The following DGKI variants were observed in gnomAD, a reference collection of about 807,000 sequenced individuals.
DGKI encodes diacylglycerol kinase iota, also known as DAG kinase iota.
A neutral mutation model predicts 147.5 loss-of-function variants in DGKI; 55 were observed. That is an observed-to-expected ratio of 0.37 (90% confidence interval 0.30 to 0.47). The LOEUF is 0.47. Ranked by LOEUF, DGKI falls within the 20% of genes least tolerant of loss-of-function variation. The probability of loss-of-function intolerance (pLI) is 1.00; values close to 1 mark genes in which losing one functional copy is unlikely to be tolerated. For missense variants in DGKI, 1,007 were observed against 1,323.8 expected (o/e 0.76, Z 3.71); for synonymous variants, 469 against 477.1 (o/e 0.98, Z 0.22).
At chr7:137,622,378 GAC>G (rs1820779762) in intron 7 of DGKI, among the ~76,000 whole-genome samples, 1 of 152,148 alleles carries the variant, frequency 6.6e-6, no homozygotes, top group Admixed American at 6.5e-5. Context: ...ACCTCACCAA[GAC>G]ACCACAGCCT....
chr7:137,842,262 G>A lies in DGKI; in HGVS notation c.401+4200C>T, dbSNP rs10225480. 2.2e-3 allele frequency among the ~76,000 whole-genome samples: 330 copies of A among 152,224 alleles called. 4 individuals are homozygous for A. The highest frequency in any genetic ancestry group is 7.2e-3 in the African/African-American group (300 of 41,528). On this transcript the variant is annotated intron_variant, in intron 1 of 32. Transcript: ENST00000614521. ...AAGACCAATATCCATTTTATCCTAC[G>A]TGGCTTCGAACTCCTCAAATATCTT... is the stretch of plus-strand genomic sequence containing the variant.
chr7:137,544,330 T>C (rs1419380168), intron 20 of DGKI, among the ~76,000 whole-genome samples: 3 of 152,182 alleles, frequency 2.0e-5, no homozygotes, highest in Non-Finnish European at 4.4e-5. Flanking sequence ...TAAACTCAAA[T>C]TTATTGAACT....
intron 19 of DGKI, among the ~76,000 whole-genome samples, chr7:137,565,038 G>A (rs1042314090): frequency 2.6e-5 from 4 of 152,220 alleles, no homozygotes; most frequent in Non-Finnish European, 5.9e-5. Context: ...TTTTTAGTAA[G>A]AGGCTTCAAA....
chr7:137,429,005 C>G (rs1388121023), intron 28 of DGKI, among the ~76,000 whole-genome samples: 1 of 151,692 alleles, frequency 6.6e-6, no homozygotes, highest in African/African-American at 2.4e-5. Flanking sequence ...TCAATGCCAT[C>G]CCCATCAAGC....
intron 1 of DGKI, among the ~76,000 whole-genome samples, chr7:137,691,703 A>G (rs1823608337): frequency 6.6e-6 from 1 of 152,182 alleles, no homozygotes; most frequent in African/African-American, 2.4e-5. Flanking sequence ...AGCCTGAGGA[A>G]ACACTGAGTA....
intron 10 of DGKI, among the ~76,000 whole-genome samples, chr7:137,602,642 G>A (rs1820034171): frequency 6.6e-6 from 1 of 152,110 alleles, no homozygotes; most frequent in Non-Finnish European, 1.5e-5. Context: ...TATTAACTCT[G>A]CTGTTACCTC....
chr7:137,589,155 G>A (rs1175218823), intron 12 of DGKI, among the ~76,000 whole-genome samples: 1 of 152,158 alleles, frequency 6.6e-6, no homozygotes, highest in South Asian at 2.1e-4. Context: ...CAGTGAACTT[G>A]CAGATTGATA....
At chr7:137,710,254 G>T (rs1246945887) in intron 1 of DGKI, among the ~76,000 whole-genome samples, 1 of 152,052 alleles carries the variant, frequency 6.6e-6, no homozygotes, top group Non-Finnish European at 1.5e-5. Context: ...AGTCCCACAG[G>T]CTTTTGAGGG....
At chr7:137,486,191 T>G (rs902231584) in intron 22 of DGKI, among the ~76,000 whole-genome samples, 1 of 152,162 alleles carries the variant, frequency 6.6e-6, no homozygotes, top group Non-Finnish European at 1.5e-5. Flanking sequence ...CTTTATTTGT[T>G]GAGTTGCCTC....
intron 23 of DGKI, among the ~76,000 whole-genome samples, chr7:137,475,813 AC>A (rs1563042508): frequency 6.6e-6 from 1 of 152,196 alleles, no homozygotes; most frequent in African/African-American, 2.4e-5. Context: ...TATTTTAATT[AC>A]GATTTCAATT....
chr7:137,494,032 C>T (rs1039238089), intron 21 of DGKI, among the ~76,000 whole-genome samples: 1 of 152,118 alleles, frequency 6.6e-6, no homozygotes, highest in African/African-American at 2.4e-5. Context: ...CAGAATACAA[C>T]TGCAAGTTAT....
At chr7:137,509,614 A>C (rs1816507571) in intron 21 of DGKI, among the ~76,000 whole-genome samples, 1 of 152,206 alleles carries the variant, frequency 6.6e-6, no homozygotes, top group Non-Finnish European at 1.5e-5. Context: ...AGACTGTGAA[A>C]ATAATGTAAA....
chr7:137,711,522 T>C (rs1239885423), intron 1 of DGKI, among the ~76,000 whole-genome samples: 1 of 152,082 alleles, frequency 6.6e-6, no homozygotes, highest in African/African-American at 2.4e-5. Context: ...GTATTTCATT[T>C]ACATAACATT....
intron 12 of DGKI, among the ~76,000 whole-genome samples, chr7:137,594,632 T>C (rs1273117999): frequency 6.6e-6 from 1 of 152,182 alleles, no homozygotes; most frequent in African/African-American, 2.4e-5. Flanking sequence ...GAATACCTTG[T>C]GTCAAATATA....
intron 28 of DGKI, among the ~76,000 whole-genome samples, chr7:137,425,888 A>G (rs1487546317): frequency 1.3e-5 from 2 of 152,152 alleles, no homozygotes; most frequent in African/African-American, 2.4e-5. Context: ...TCCAAGAAAT[A>G]TGGGACTATG....
intron 1 of DGKI, among the ~76,000 whole-genome samples, chr7:137,800,787 G>C (rs2116959991): frequency 6.6e-6 from 1 of 152,244 alleles, no homozygotes; most frequent in Middle Eastern, 3.4e-3. Flanking sequence ...TGTGCACTTT[G>C]ATATTTCAAG....
chr7:137,581,996 A>G lies in DGKI; in HGVS notation c.1564-68T>C, dbSNP rs1390904492. 25 of 1,283,572 alleles carry G rather than the reference A, an allele frequency of 1.9e-5. No individual in the cohort carries two copies. The Admixed American group carries it at 4.3e-4, about 22-fold the overall frequency. 79.5% of individuals were successfully genotyped at this position (1,283,572 alleles called of 1,614,324 possible). On this transcript the variant is annotated intron_variant, in intron 14 of 32. Coordinates refer to ENST00000614521, the MANE Select transcript of DGKI (RefSeq NM_001321708.2). ...AGGCAGAAAGAGAAGAATAAAACCT[A>G]AAGCTGGACCCCTATCTCTGAAGAA... is the stretch of plus-strand genomic sequence containing the variant.
intron 1 of DGKI, among the ~76,000 whole-genome samples, chr7:137,819,510 C>G (rs1045423580): frequency 5.9e-5 from 9 of 151,972 alleles, no homozygotes; most frequent in Non-Finnish European, 1.3e-4. Context: ...CGGGGTTTCA[C>G]CGTGTTAGCC....
At chr7:137,544,497 T>C (rs754322903) in intron 20 of DGKI, among the ~76,000 whole-genome samples, 9 of 152,204 alleles carry the variant, frequency 5.9e-5, no homozygotes, top group Non-Finnish European at 1.0e-4. Flanking sequence ...AAATACTGTC[T>C]GGCACAGAGC....
Sources: gnomAD v4.1 joint callset for allele counts (sites outside exome capture counted in the v4.1 genomes callset) on GRCh38, gnomAD v4.1.1 for gene constraint, MANE v1.5 for transcripts, NCBI Gene and HGNC (gene_info 2026-07-23, HGNC 2026-07-21) for gene names.